The following RIMS2 variants were observed in gnomAD, a reference collection of about 807,000 sequenced individuals.
The protein encoded by RIMS2 is regulating synaptic membrane exocytosis protein 2.
Under a neutral mutation model 174.4 loss-of-function variants are expected in RIMS2, and 59 were observed. The ratio of observed to expected loss-of-function variants is 0.34; its 90% CI spans 0.27 to 0.42. The LOEUF is 0.42. Among genes scored for constraint, RIMS2 ranks in the 10% least tolerant of loss-of-function variants. RIMS2 has a pLI of 1.00. For missense variants in RIMS2, 1,620 were observed against 1,666.3 expected (o/e 0.97, Z 0.48); for synonymous variants, 606 against 572.5 (o/e 1.06, Z -0.84).
At chr8:103,776,910 CAT>C (rs564014353) in intron 3 of RIMS2, among the ~76,000 whole-genome samples, 132 of 152,190 alleles carry the variant, frequency 8.7e-4, no homozygotes, top group South Asian at 3.7e-3. Context: ...TGTGTGTGCA[CAT>C]GTGTGTGCAA....
At chr8:103,590,774 G>A (rs956738752) in intron 1 of RIMS2, among the ~76,000 whole-genome samples, 3 of 151,128 alleles carry the variant, frequency 2.0e-5, no homozygotes, top group East Asian at 1.9e-4. Flanking sequence ...ATATTTCACT[G>A]AGGATAATGT....
chr8:104,206,009 G>T (rs923175684), intron 19 of RIMS2, among the ~76,000 whole-genome samples: 2 of 152,094 alleles, frequency 1.3e-5, no homozygotes, highest in Admixed American at 6.6e-5. Context: ...ACCTGCCTTG[G>T]CCTCCCAAAG....
intron 2 of RIMS2, among the ~76,000 whole-genome samples, chr8:103,724,861 C>T (rs1339363004): frequency 6.6e-6 from 1 of 152,038 alleles, no homozygotes; most frequent in Non-Finnish European, 1.5e-5. Context: ...GTACAAGTAC[C>T]ACATAGTTTA....
At chr8:104,209,682 A>C (rs142855078) in intron 19 of RIMS2, among the ~76,000 whole-genome samples, 7 of 152,318 alleles carry the variant, frequency 4.6e-5, no homozygotes, top group Non-Finnish European at 1.0e-4. Flanking sequence ...ATGTGCCTGA[A>C]GTACTTAAGA....
At chr8:104,135,406 C>T (rs28639558) in intron 19 of RIMS2, among the ~76,000 whole-genome samples, 33,231 of 151,796 alleles carry the variant, frequency 0.22, 3,849 homozygotes, top group South Asian at 0.34. Context: ...TAAGACCAGC[C>T]TGGGGAACTT....
chr8:104,169,767 G>T (rs1397307521), intron 19 of RIMS2, among the ~76,000 whole-genome samples: 8 of 151,900 alleles, frequency 5.3e-5, no homozygotes, highest in African/African-American at 1.9e-4. Flanking sequence ...TGTGACATTA[G>T]GTTGTCTATT....
intron 14 of RIMS2, among the ~76,000 whole-genome samples, chr8:103,960,733 A>G (rs1467691814): frequency 3.3e-5 from 5 of 152,070 alleles, no homozygotes; most frequent in African/African-American, 1.2e-4. Flanking sequence ...TGACTTATCT[A>G]TTTTCTAATA....
intron 17 of RIMS2, among the ~76,000 whole-genome samples, chr8:104,003,594 A>G (rs1369025536): frequency 6.6e-6 from 1 of 152,040 alleles, no homozygotes; most frequent in South Asian, 2.1e-4. Context: ...TTGTATTTTT[A>G]GTAGAGATGG....
intron 1 of RIMS2, among the ~76,000 whole-genome samples, chr8:103,527,598 T>C (rs1486764019): frequency 6.6e-6 from 1 of 151,882 alleles, no homozygotes. Flanking sequence ...TGTCCAAGTG[T>C]TCTCGTTGTT....
intron 19 of RIMS2, among the ~76,000 whole-genome samples, chr8:104,132,375 A>G (rs2098480254): frequency 6.6e-6 from 1 of 152,168 alleles, no homozygotes; most frequent in Non-Finnish European, 1.5e-5. Flanking sequence ...AATCAATATC[A>G]TATGTCTCAG....
chr8:103,652,371 G>A (rs920721065), intron 1 of RIMS2, 134 bp downstream of exon 2: 3 of 518,190 alleles, frequency 5.8e-6, no homozygotes, highest in Non-Finnish European at 1.0e-5. Context: ...TCTCTGGCTT[G>A]TAAGAGAGCT....
intron 1 of RIMS2, among the ~76,000 whole-genome samples, chr8:103,638,457 G>A (rs1006190372): frequency 4.6e-5 from 7 of 151,830 alleles, no homozygotes; most frequent in Admixed American, 6.6e-5. Flanking sequence ...AATATGCGCC[G>A]TCTTCTCTAA....
chr8:103,863,185 A>AT (rs1475500429), intron 3 of RIMS2, among the ~76,000 whole-genome samples: 1 of 151,990 alleles, frequency 6.6e-6, no homozygotes, highest in Non-Finnish European at 1.5e-5. Flanking sequence ...GGGATGTTGG[A>AT]TTTTGTCAGA....
At chr8:104,167,167 C>T (rs1007938462) in intron 19 of RIMS2, among the ~76,000 whole-genome samples, 4 of 152,118 alleles carry the variant, frequency 2.6e-5, no homozygotes, top group African/African-American at 4.8e-5. Flanking sequence ...AATGGTAATT[C>T]TGCTTTTAGT....
At chr8:103,500,814 C>T (rs892880507) in exon 1 of RIMS2, 6 of 971,048 alleles carry the variant, frequency 6.2e-6, no homozygotes, top group Non-Finnish European at 3.0e-6. Flanking sequence ...GCTGCCCCAG[C>T]CGCCGCGCCG....
intron 3 of RIMS2, among the ~76,000 whole-genome samples, chr8:103,788,247 G>A (rs796657385): frequency 0.16 from 22,640 of 144,466 alleles, 1,823 homozygotes; most frequent in Middle Eastern, 0.25. Flanking sequence ...TAATTTGATC[G>A]TCTGAAGCTT....
chr8:104,254,481 G>T (rs539766278), downstream of RIMS2: 1 of 152,308 alleles, frequency 6.6e-6, no homozygotes, highest in Non-Finnish European at 1.5e-5. Flanking sequence ...TGAGCCTGCT[G>T]CAGCTCATTC....
At chr8:104,188,238 GA>G (rs2098979154) in intron 19 of RIMS2, among the ~76,000 whole-genome samples, 1 of 139,206 alleles carries the variant, frequency 7.2e-6, no homozygotes, top group Admixed American at 7.8e-5. Context: ...TAGATAGATA[GA>G]TAGATAGATA....
At chr8:104,095,108 C>CA (rs796952450) in intron 19 of RIMS2, among the ~76,000 whole-genome samples, 1 of 152,056 alleles carries the variant, frequency 6.6e-6, no homozygotes, top group African/African-American at 2.4e-5. Flanking sequence ...CTGCTTCAGA[C>CA]AAAAATAAGG....
Sources: gnomAD v4.1 joint callset for allele counts (sites outside exome capture counted in the v4.1 genomes callset) on GRCh38, gnomAD v4.1.1 for gene constraint, MANE v1.5 for transcripts, NCBI Gene and HGNC (gene_info 2026-07-23, HGNC 2026-07-21) for gene names.